The following ARSG variants were observed in gnomAD, a reference collection of about 807,000 sequenced individuals.
ARSG encodes arylsulfatase G.
In ARSG, 37 loss-of-function variants were observed where a neutral mutation model predicts 50.5. The ratio of observed to expected loss-of-function variants is 0.73; its 90% CI spans 0.56 to 0.96. The LOEUF is 0.96. ARSG is among the 50% of genes least tolerant of loss of function. ARSG has a pLI of 0.00. For missense variants in ARSG, 629 were observed against 675.3 expected (o/e 0.93, Z 0.76); for synonymous variants, 225 against 254.6 (o/e 0.88, Z 1.11).
chr17:68,313,681 CTCTTTT>C (rs1449594053), intron 2 of ARSG, among the ~76,000 whole-genome samples: 3 of 123,398 alleles, frequency 2.4e-5, no homozygotes, highest in Non-Finnish European at 5.0e-5. Context: ...CTCTCTCTCT[CTCTTTT>C]TTTTTTTTTT....
rs566159178 is a variant in ARSG at position 68,399,816 on chromosome 17, A to G, written c.1213-1544A>G. ...TTCTGCATGTCCGCGTGCATCGTAT[A>G]TCAGTTGACAATAGATTTTCCAAGT... is the stretch of plus-strand genomic sequence containing the variant. On this transcript the variant is annotated intron_variant, in intron 10 of 11. Coordinates refer to ENST00000621439, the MANE Select transcript of ARSG (RefSeq NM_001267727.2). This position sits in a 1 kb window ranked among gnomAD's most constrained non-coding sequence, Gnocchi z 4.6. 8.5e-5 allele frequency among the ~76,000 whole-genome samples: 13 copies of G among 152,348 alleles called. No individual in the cohort carries two copies. In the East Asian group the frequency reaches 2.1e-3, roughly 25 times the overall value.
chr17:68,420,213 G>A lies in ARSG; in HGVS notation c.1328G>A (p.Ser443Asn), dbSNP rs189928799. 2.5e-6 allele frequency: 4 copies of A among 1,614,144 alleles called. No homozygotes were observed. Among genetic ancestry groups the A allele is most frequent in the African/African-American group, 2.7e-5 (2 of 75,030 alleles). Reference protein sequence around the residue: ...ITGGARACDGSTGPELQHKFP... With the variant: ...ITGGARACDGNTGPELQHKFP... Reference sequence around the variant, plus strand: ...GGTGGAGCCAGGGCGTGTGATGGGAGCACGGGGCCTGAGCTGCAGCATAAG... The same window carrying A: ...GGTGGAGCCAGGGCGTGTGATGGGAACACGGGGCCTGAGCTGCAGCATAAG... Residue 443 changes from serine (S) to asparagine (N), a missense_variant, in exon 12 of 12, where the codon AGC (serine) becomes AAC (asparagine). Physicochemically the swap from Ser to Asn is conservative, Grantham distance 46. Coordinates refer to ENST00000621439, the MANE Select transcript of ARSG (RefSeq NM_001267727.2).
chr17:68,397,144 C>T lies in ARSG; in HGVS notation c.1212+1951C>T, dbSNP rs530787337. On this transcript the variant is annotated intron_variant, in intron 10 of 11. Coordinates refer to ENST00000621439, the MANE Select transcript of ARSG (RefSeq NM_001267727.2). ...TGCTCTTGCTCTAACTGGAGTTTTG[C>T]GCAGGCTCGTAGAGACCCCATCCTA... Among the ~76,000 whole-genome samples the T allele has an allele frequency of 6.6e-5, 10 of 152,272 alleles. No homozygotes were observed. The South Asian group carries it at 8.3e-4, about 13-fold the overall frequency.
chr17:68,375,626 T>G (rs2080106792), intron 8 of ARSG, among the ~76,000 whole-genome samples: 3 of 152,220 alleles, frequency 2.0e-5, no homozygotes, highest in African/African-American at 7.2e-5. Context: ...AGTAGCCATA[T>G]GTGGCTAGTG....
chr17:68,288,025 CTCAG>C (rs2075882730), upstream of ARSG, among the ~76,000 whole-genome samples: 1 of 142,426 alleles, frequency 7.0e-6, no homozygotes, highest in Non-Finnish European at 1.5e-5. Context: ...GGGATGGAGT[CTCAG>C]TCTGTCTCCC....
chr17:68,425,227 A>T (rs1360079668), downstream of ARSG, among the ~76,000 whole-genome samples: 1 of 152,186 alleles, frequency 6.6e-6, no homozygotes, highest in Admixed American at 6.5e-5. Context: ...TTTTTGAGAT[A>T]GAGTCTCACT....
At chr17:68,277,775 C>A (rs1187053825) in intron 1 of ARSG, among the ~76,000 whole-genome samples, 5 of 152,150 alleles carry the variant, frequency 3.3e-5, no homozygotes, top group African/African-American at 1.2e-4. Flanking sequence ...ATCCTCACAT[C>A]CTCACAAAAG....
At chr17:68,450,554 C>A in the ARSG span, among the ~76,000 whole-genome samples, 1,614 of 152,328 alleles carry the variant, frequency 0.011, 25 homozygotes, top group African/African-American at 0.037. Flanking sequence ...ACGTTACAAC[C>A]AGCACCTGGA....
rs1555785497 is a variant in ARSG, at chr17:68,374,170, A to AAAG, written c.982+3648_982+3649insGAA. On this transcript the variant is annotated intron_variant, in intron 8 of 11. Transcript: ENST00000621439. ...AGACTCTGTCTCCAAAAAAAAAAAA[A>AAAG]AAAAAGAAACAAGAGCCTAGAGAAA... Among the ~76,000 whole-genome samples, 110 of 144,350 alleles carry AAAG rather than the reference A, an allele frequency of 7.6e-4. 3 individuals are homozygous for AAAG. The highest frequency in any genetic ancestry group is 1.3e-3 in the Admixed American group (19 of 14,206). 94.7% of individuals were successfully genotyped at this position (144,350 alleles called of 152,430 possible).
chr17:68,287,124 C>T (rs145907939), upstream of ARSG, among the ~76,000 whole-genome samples: 314 of 152,320 alleles, frequency 2.1e-3, no homozygotes, highest in Non-Finnish European at 3.6e-3. Context: ...GCTGGGATTA[C>T]AGGCATGCGC....
downstream of ARSG, chr17:68,426,254 G>GGGGGGGGGGGGGGGGT: frequency 1.2e-6 from 1 of 816,924 alleles, no homozygotes; most frequent in Non-Finnish European, 1.9e-6. Flanking sequence ...GGGAGCGGGG[G>GGGGGGGGGGGGGGGGT]CTCAAATAAA....
chr17:68,265,024 C>T (rs1350177429), intron 1 of ARSG, among the ~76,000 whole-genome samples: 6 of 150,936 alleles, frequency 4.0e-5, no homozygotes, highest in African/African-American at 1.5e-4. Context: ...CGTGGTGGCA[C>T]ATGCCTGTAA....
chr17:68,424,431 C>G (rs1409313749), downstream of ARSG: 1 of 534,696 alleles, frequency 1.9e-6, no homozygotes, highest in East Asian at 5.4e-5. Flanking sequence ...GAAGCCAGAC[C>G]TGCACTCCAT....
At chr17:68,447,992 A>ATG in the ARSG span, among the ~76,000 whole-genome samples, 1 of 148,608 alleles carries the variant, frequency 6.7e-6, no homozygotes, top group African/African-American at 2.6e-5. Flanking sequence ...CTCAAAAAAA[A>ATG]AAAAAAAAAA....
the ARSG span, among the ~76,000 whole-genome samples, chr17:68,437,500 G>A: frequency 6.6e-6 from 1 of 151,956 alleles, no homozygotes; most frequent in Non-Finnish European, 1.5e-5. Context: ...GCTGCAGTGA[G>A]TGAAGATAGT....
intron 11 of ARSG, among the ~76,000 whole-genome samples, chr17:68,411,389 GTCAT>G (rs2081988562): frequency 6.6e-6 from 1 of 152,234 alleles, no homozygotes; most frequent in South Asian, 2.1e-4. Flanking sequence ...GTACCCAGTA[GTCAT>G]TCAGGAGCAG....
chr17:68,276,001 G>C (rs954990475), intron 1 of ARSG, among the ~76,000 whole-genome samples: 3 of 150,088 alleles, frequency 2.0e-5, no homozygotes, highest in Admixed American at 6.6e-5. Context: ...AAAAAATTAA[G>C]TTATCTTGAT....
intron 9 of ARSG, among the ~76,000 whole-genome samples, chr17:68,385,592 G>A (rs1019292789): frequency 7.7e-5 from 11 of 143,420 alleles, no homozygotes; most frequent in African/African-American, 2.8e-4. Context: ...GGAGGGGAGG[G>A]AGAAACAGTG....
Position 68,367,809 on chromosome 17 carries a change from G to T in ARSG, c.705-739G>T, listed in dbSNP as rs959161451. Among the ~76,000 whole-genome samples the T allele has an allele frequency of 6.6e-5, 10 of 152,146 alleles. 1 individual carries two copies. The highest frequency in any genetic ancestry group is 6.2e-4 in the South Asian group (3 of 4,834). The stretch of plus-strand genomic sequence containing the variant: ...AGGCTGGCCAGGCACAGTGGCTCAC[G>T]CCTGTAATCCCAGCACTTTGGGAGG... On this transcript the variant is annotated intron_variant, in intron 6 of 11. Coordinates refer to ENST00000621439, the MANE Select transcript of ARSG (RefSeq NM_001267727.2). This position sits in a 1 kb window ranked among gnomAD's most constrained non-coding sequence, Gnocchi z 4.5.
Sources: allele counts gnomAD v4.1 joint callset (sites outside exome capture counted in the v4.1 genomes callset), GRCh38; gene constraint gnomAD v4.1.1; non-coding constraint Gnocchi (gnomAD v3.1); transcripts MANE v1.5; gene names NCBI Gene and HGNC (gene_info 2026-07-23, HGNC 2026-07-21).